CDH10: variants seen among roughly 807,000 people sequenced by gnomAD.
CDH10 encodes cadherin-10.
In CDH10, 30 loss-of-function variants were observed where a neutral mutation model predicts 73.1. The ratio of observed to expected loss-of-function variants is 0.41; its 90% CI spans 0.31 to 0.56. CDH10 has a LOEUF of 0.56. CDH10 is among the 20% of genes least tolerant of loss of function. The pLI, the probability that CDH10 is intolerant of heterozygous loss-of-function variation, is 0.27. For missense variants in CDH10, 815 were observed against 973.7 expected (o/e 0.84, Z 2.17); for synonymous variants, 345 against 348.2 (o/e 0.99, Z 0.10).
chr5:24,612,150 TCAAA>T (rs1023190683), intron 1 of CDH10: 4 of 151,080 alleles, frequency 2.6e-5, no homozygotes, highest in African/African-American at 4.9e-5. Flanking sequence ...ACAATAACAA[TCAAA>T]CAAATTAATA....
At chr5:24,575,039 A>G (rs1005250262) in intron 2 of CDH10, among the ~76,000 whole-genome samples, 2 of 152,058 alleles carry the variant, frequency 1.3e-5, no homozygotes, top group Admixed American at 6.5e-5. Flanking sequence ...ATCTGAGACA[A>G]GGAGGTTAAT....
At chr5:24,603,884 CTG>C (rs1160672411) in intron 1 of CDH10, among the ~76,000 whole-genome samples, 1 of 152,042 alleles carries the variant, frequency 6.6e-6, no homozygotes, top group Non-Finnish European at 1.5e-5. Flanking sequence ...AAAAATAAAA[CTG>C]TGTCTATTTG....
intron 2 of CDH10, among the ~76,000 whole-genome samples, chr5:24,540,006 C>G (rs1403859049): frequency 2.6e-5 from 4 of 151,992 alleles, no homozygotes; most frequent in African/African-American, 7.2e-5. Flanking sequence ...TATTTATTCT[C>G]TATGCATTCA....
At chr5:24,572,872 A>G (rs1366539096) in intron 2 of CDH10, among the ~76,000 whole-genome samples, 3 of 151,350 alleles carry the variant, frequency 2.0e-5, no homozygotes, top group African/African-American at 7.3e-5. Context: ...CTGGGACAGA[A>G]AAGCTTTACT....
chr5:24,598,858 A>G (rs1172307628), intron 1 of CDH10, among the ~76,000 whole-genome samples: 1 of 152,144 alleles, frequency 6.6e-6, no homozygotes, highest in Non-Finnish European at 1.5e-5. Flanking sequence ...TTCTCCAGCT[A>G]TACTACGTGC....
At chr5:24,624,990 GGT>G (rs1304080832) in intron 1 of CDH10, among the ~76,000 whole-genome samples, 3 of 152,098 alleles carry the variant, frequency 2.0e-5, no homozygotes. Context: ...TCATGAAGAA[GGT>G]GAAGAGTGTA....
chr5:24,491,960 C>A, intron 10 of CDH10, 133 bp from the exon 11 acceptor site: 1 of 576,150 alleles, frequency 1.7e-6, no homozygotes, highest in Non-Finnish European at 3.0e-6. Flanking sequence ...TCCTAAAAAA[C>A]AAGTACAATG....
In CDH10 at chr5:24,487,660, A is replaced by T. The variant is rs1741888443; in HGVS notation, c.*3T>A. Reference sequence around the variant, plus strand: ...CTTGTTTGAACAGAACATATATCCTACGTTAAGAGTCTTTGTCACTTTCCC... The same window carrying T: ...CTTGTTTGAACAGAACATATATCCTTCGTTAAGAGTCTTTGTCACTTTCCC... On this transcript the variant is annotated 3_prime_UTR_variant, in exon 12 of 12. Coordinates refer to ENST00000264463, the MANE Select transcript of CDH10 (RefSeq NM_006727.5). 6.2e-7 allele frequency: 1 copy of T among 1,607,650 alleles called. No individual in the cohort carries two copies. The highest frequency in any genetic ancestry group is 1.1e-5 in the South Asian group (1 of 90,234).
At chr5:24,503,711 G>A (rs11959399) in intron 8 of CDH10, among the ~76,000 whole-genome samples, 13,868 of 152,152 alleles carry the variant, frequency 0.091, 834 homozygotes, top group Middle Eastern at 0.15. Context: ...CCTCTGACAT[G>A]ATAACTTTGG....
At chr5:24,592,597 C>G (rs959070598) in intron 2 of CDH10, among the ~76,000 whole-genome samples, 6 of 151,788 alleles carry the variant, frequency 4.0e-5, no homozygotes, top group African/African-American at 1.5e-4. Context: ...TCATTTCCAA[C>G]CACAACTAAT....
intron 2 of CDH10, among the ~76,000 whole-genome samples, chr5:24,577,173 A>G (rs184824237): frequency 1.3e-5 from 2 of 152,232 alleles, no homozygotes; most frequent in African/African-American, 4.8e-5. Context: ...GTGGAATTCT[A>G]GAGGTGAGAA....
chr5:24,493,610 T>A (rs928674000), intron 9 of CDH10, among the ~76,000 whole-genome samples: 5 of 151,906 alleles, frequency 3.3e-5, no homozygotes, highest in African/African-American at 1.2e-4. Flanking sequence ...TTAACTAATA[T>A]ACAAATATGT....
chr5:24,531,129 G>A (rs1013992545), intron 5 of CDH10, among the ~76,000 whole-genome samples: 4 of 151,840 alleles, frequency 2.6e-5, no homozygotes, highest in African/African-American at 4.8e-5. Flanking sequence ...CCCTCTATTG[G>A]TGGCTAGATC....
chr5:24,608,911 A>G (rs866278674), intron 1 of CDH10, among the ~76,000 whole-genome samples: 1 of 152,210 alleles, frequency 6.6e-6, no homozygotes, highest in Non-Finnish European at 1.5e-5. Flanking sequence ...CCCATAACAC[A>G]TTATGCATAG....
intron 2 of CDH10, among the ~76,000 whole-genome samples, chr5:24,570,144 T>C (rs1466983685): frequency 1.3e-5 from 2 of 152,142 alleles, no homozygotes; most frequent in African/African-American, 4.8e-5. Context: ...ATCACCCTCT[T>C]AGAGATATTA....
chr5:24,559,975 A>G (rs982772454), intron 2 of CDH10, among the ~76,000 whole-genome samples: 1 of 152,078 alleles, frequency 6.6e-6, no homozygotes, highest in African/African-American at 2.4e-5. Flanking sequence ...TTGCTTTCAT[A>G]TCACTGCTCT....
chr5:24,548,352 C>T (rs1192836953), intron 2 of CDH10, among the ~76,000 whole-genome samples: 2 of 151,950 alleles, frequency 1.3e-5, no homozygotes, highest in East Asian at 1.9e-4. Flanking sequence ...AACTCCTGAC[C>T]TTGGGGGATA....
intron 1 of CDH10, among the ~76,000 whole-genome samples, chr5:24,597,981 A>C (rs1018754203): frequency 1.7e-4 from 26 of 151,954 alleles, no homozygotes; most frequent in Non-Finnish European, 3.4e-4. Context: ...AAAATGCTAA[A>C]GATTATAGAT....
In CDH10 at chr5:24,586,974, A is replaced by G. The variant is rs185725244; in HGVS notation, c.231+6286T>C. On this transcript the variant is annotated intron_variant, in intron 2 of 11. Transcript: ENST00000264463. ...ATTCTCCTGCTTCAGCCTCCCGAGT[A>G]GCTGGGACTACAGGCGCCCGCCACC... 1.7e-4 allele frequency among the ~76,000 whole-genome samples: 25 copies of G among 149,790 alleles called. No individual in the cohort carries two copies. In the East Asian group the frequency reaches 5.0e-3, roughly 30 times the overall value.
Sources: gnomAD v4.1 joint callset for allele counts (sites outside exome capture counted in the v4.1 genomes callset) on GRCh38, gnomAD v4.1.1 for gene constraint, MANE v1.5 for transcripts, NCBI Gene and HGNC (gene_info 2026-07-23, HGNC 2026-07-21) for gene names.